RANBP2: variants seen among roughly 807,000 people sequenced by gnomAD.
RANBP2 encodes E3 SUMO-protein ligase RanBP2.
A neutral mutation model predicts 303.6 loss-of-function variants in RANBP2; 57 were observed. The ratio of observed to expected loss-of-function variants is 0.19; its 90% confidence interval spans 0.15 to 0.23. The LOEUF (loss-of-function observed/expected upper bound fraction) is 0.23. Among genes scored for constraint, RANBP2 ranks in the 10% least tolerant of loss-of-function variants. RANBP2 has a pLI of 1.00. For synonymous variants in RANBP2, 1,167 were observed against 1,301.5 expected, an observed-to-expected ratio of 0.90 and a Z score of 2.23; for missense variants, 3,138 against 3,780.8, an observed-to-expected ratio of 0.83 and a Z score of 4.46.
the RANBP2 span, among the ~76,000 whole-genome samples, chr2:109,758,467 A>G: frequency 7.4e-6 from 1 of 135,428 alleles, no homozygotes; most frequent in Admixed American, 7.6e-5. Flanking sequence ...AGCTGTCCAT[A>G]TAACAAGTGA....
At chr2:109,497,183 T>A in the RANBP2 span, among the ~76,000 whole-genome samples, 1 of 152,194 alleles carries the variant, frequency 6.6e-6, no homozygotes, top group South Asian at 2.1e-4. Flanking sequence ...AACTAATATG[T>A]GTGTTGATAT....
At chr2:109,760,148 T>A in the RANBP2 span, among the ~76,000 whole-genome samples, 1 of 129,006 alleles carries the variant, frequency 7.8e-6, no homozygotes, top group Admixed American at 8.2e-5. Context: ...GGCAGGAGGA[T>A]GCGGGAAACT....
chr2:109,100,994 A>G, the RANBP2 span, among the ~76,000 whole-genome samples: 37 of 152,128 alleles, frequency 2.4e-4, no homozygotes, highest in African/African-American at 7.7e-4. Flanking sequence ...GGAGAAGAGG[A>G]AGTGAGGAGT....
chr2:109,632,609 C>T, the RANBP2 span, among the ~76,000 whole-genome samples: 6 of 152,066 alleles, frequency 3.9e-5, no homozygotes, highest in African/African-American at 9.7e-5. Context: ...GTCAGAAGCT[C>T]GAGGCCAGCC....
chr2:109,319,819 G>A, the RANBP2 span, among the ~76,000 whole-genome samples: 1 of 152,176 alleles, frequency 6.6e-6, no homozygotes. Context: ...CCAAACAAAG[G>A]CACCTCTGTC....
At chr2:108,871,029 A>G in the RANBP2 span, among the ~76,000 whole-genome samples, 34 of 152,222 alleles carry the variant, frequency 2.2e-4, 1 homozygote, top group South Asian at 4.4e-3. Flanking sequence ...AAAAATTGAA[A>G]TGAACCTCAT....
At chr2:109,332,267 C>T in the RANBP2 span, among the ~76,000 whole-genome samples, 1 of 152,148 alleles carries the variant, frequency 6.6e-6, no homozygotes, top group Non-Finnish European at 1.5e-5. Flanking sequence ...GCTGATCCGT[C>T]TGTTTCCCTC....
At chr2:108,761,973 T>G in intron 18 of RANBP2, 128 bp from the exon 19 acceptor site, 2 of 1,133,120 alleles carry the variant, frequency 1.8e-6, no homozygotes, top group Non-Finnish European at 2.4e-6. Context: ...GTACAGAAAT[T>G]TAAAATTTAT....
chr2:109,681,732 G>C, the RANBP2 span, among the ~76,000 whole-genome samples: 1 of 152,202 alleles, frequency 6.6e-6, no homozygotes, highest in Non-Finnish European at 1.5e-5. Flanking sequence ...GCATCCCCTG[G>C]GAGGGCAACT....
At chr2:109,425,730 T>C in the RANBP2 span, among the ~76,000 whole-genome samples, 2 of 152,168 alleles carry the variant, frequency 1.3e-5, no homozygotes, top group Non-Finnish European at 2.9e-5. Context: ...ATATTACTGC[T>C]CATTGCCAGT....
chr2:108,726,511 A>C lies in RANBP2; in HGVS notation c.73-2621A>C, dbSNP rs544006568. ...TTCTGGAGGCTAGAAGCGGCAGATCAGGGTGCTGCTGCTTTGGTTCCTGAT... is the reference window on the plus strand; with the variant it reads ...TTCTGGAGGCTAGAAGCGGCAGATCCGGGTGCTGCTGCTTTGGTTCCTGAT... On this transcript the variant is annotated intron_variant, in intron 1 of 28. Coordinates refer to ENST00000283195, the MANE Select transcript of RANBP2 (RefSeq NM_006267.5). 8.0e-4 allele frequency among the ~76,000 whole-genome samples: 122 copies of C among 151,586 alleles called. 1 individual carries two copies. The highest frequency in any genetic ancestry group is 2.3e-3 in the African/African-American group (95 of 41,338).
chr2:109,197,316 G>C, the RANBP2 span, among the ~76,000 whole-genome samples: 11 of 152,276 alleles, frequency 7.2e-5, no homozygotes, highest in East Asian at 2.1e-3. Context: ...CTGCTGTTCT[G>C]CCTGACACAG....
chr2:109,449,539 T>C, the RANBP2 span: 1 of 1,578,594 alleles, frequency 6.3e-7, no homozygotes, highest in South Asian at 1.2e-5. Flanking sequence ...AGCTGCTTAC[T>C]GTAACTTTTT....
chr2:108,968,675 T>C, the RANBP2 span, among the ~76,000 whole-genome samples: 1 of 152,332 alleles, frequency 6.6e-6, no homozygotes, highest in African/African-American at 2.4e-5. Flanking sequence ...TGCACTGCTG[T>C]GCACAGAATT....
At chr2:109,248,594 T>G in the RANBP2 span, among the ~76,000 whole-genome samples, 1 of 152,226 alleles carries the variant, frequency 6.6e-6, no homozygotes, top group Non-Finnish European at 1.5e-5. Flanking sequence ...CTTGAGACAT[T>G]AATTGACCAA....
chr2:109,133,396 T>A, the RANBP2 span, among the ~76,000 whole-genome samples: 3 of 152,242 alleles, frequency 2.0e-5, no homozygotes, highest in Admixed American at 2.0e-4. Flanking sequence ...AGTTGGAGAA[T>A]CATAAAATTA....
At chr2:109,046,079 C>T in the RANBP2 span, among the ~76,000 whole-genome samples, 2 of 151,978 alleles carry the variant, frequency 1.3e-5, no homozygotes, top group Non-Finnish European at 2.9e-5. Flanking sequence ...CCGAGGTGGG[C>T]AGATCACGAG....
At chr2:109,084,354 G>T in the RANBP2 span, among the ~76,000 whole-genome samples, 1 of 152,202 alleles carries the variant, frequency 6.6e-6, no homozygotes, top group Non-Finnish European at 1.5e-5. Flanking sequence ...GGAGAACAAA[G>T]AAGACTGATT....
the RANBP2 span, among the ~76,000 whole-genome samples, chr2:108,923,667 A>C: frequency 6.6e-6 from 1 of 152,238 alleles, no homozygotes; most frequent in African/African-American, 2.4e-5. Flanking sequence ...TGAGCTGCCA[A>C]CGTGGGCCTT....
Sources: allele counts gnomAD v4.1 joint callset (sites outside exome capture counted in the v4.1 genomes callset), GRCh38; gene constraint gnomAD v4.1.1; transcripts MANE v1.5; gene names NCBI Gene and HGNC (gene_info 2026-07-23, HGNC 2026-07-21).